RPL36A: variants seen among roughly 807,000 people sequenced by gnomAD.
RPL36A encodes the protein ribosomal protein L36a.
For synonymous variants in RPL36A, 25 were observed against 28.5 expected (o/e 0.88, Z 0.39); for missense variants, 20 against 81.0 (o/e 0.25, Z 2.89).
chrX:101,394,793 T>A (rs782231457), intron 3 of RPL36A, among the ~76,000 whole-genome samples: 12,862 of 78,463 alleles, frequency 0.16, 1,300 homozygotes, highest in African/African-American at 0.44. Context: ...TATATATATT[T>A]TTTTTTTTTT....
At chrX:101,391,285 C>T in intron 1 of RPL36A, 174 bp from the exon 2 acceptor site, 1 of 632,664 alleles carries the variant, frequency 1.6e-6, no homozygotes, top group South Asian at 2.8e-5. Context: ...CTCTTTGGGG[C>T]TCGACGGAGG....
rs782617422 is a variant in RPL36A at position 101,391,879 on chromosome X, T to A, written c.177+57T>A. 9 of 1,196,398 alleles carry A rather than the reference T, an allele frequency of 7.5e-6. No individual in the cohort carries two copies. The African/African-American group carries it at 1.4e-4, about 19-fold the overall frequency. On this transcript the variant is annotated intron_variant, in intron 3 of 4. Transcript: ENST00000553110. The stretch of plus-strand genomic sequence containing the variant: ...GTTAATTGCCGTAAGGATATGCACT[T>A]GTCTCTAGTCCACACACTTCATGAT...
At position 101,396,041 on chromosome X, in the gene RPL36A, TAGGG is replaced by T; in HGVS notation, c.*296_*299del. The T allele has an allele frequency of 6.5e-6, 2 of 306,355 alleles. No individual in the cohort carries two copies. Among genetic ancestry groups the T allele is most frequent in the East Asian group, 5.5e-5 (1 of 18,296 alleles). 25.2% of individuals were successfully genotyped at this position (306,355 alleles called of 1,213,427 possible). A position where few individuals can be genotyped will look rare whatever the true frequency, so the allele number is the denominator to read the frequency against. ...TGTGAGTAGACACATTTCAGGCTAA[TAGGG>T]AGAAGTCAGTAACACATTCATAGTG... On this transcript the variant is annotated 3_prime_UTR_variant, in exon 5 of 5. Coordinates refer to ENST00000553110, the MANE Select transcript of RPL36A (RefSeq NM_021029.6).
At chrX:101,393,729 C>T (rs1248558158) in intron 3 of RPL36A, 6 of 111,570 alleles carry the variant, frequency 5.4e-5, no homozygotes, top group Non-Finnish European at 1.1e-4. Context: ...ACCAGTAGTG[C>T]GGAAATTGTC....
intron 3 of RPL36A, chrX:101,392,253 G>A: frequency 8.9e-6 from 8 of 903,060 alleles, no homozygotes; most frequent in Non-Finnish European, 1.1e-5. Context: ...AACTCTTATA[G>A]AATAGCCATT....
intron 3 of RPL36A, among the ~76,000 whole-genome samples, chrX:101,394,790 AT>A (rs1175645490): frequency 0.16 from 12,360 of 77,984 alleles, 1,236 homozygotes; most frequent in African/African-American, 0.35. Context: ...ATATATATAT[AT>A]TTTTTTTTTT....
rs1190973240 is a variant in RPL36A at position 101,391,028 on chromosome X, T to C, written c.-16T>C. Reference sequence around the variant, plus strand: ...CGCGGTTTCTTTCTTTCCGCGCCGATAGCGCTCACGCAAGCATGGTAGGAC... The same window carrying C: ...CGCGGTTTCTTTCTTTCCGCGCCGACAGCGCTCACGCAAGCATGGTAGGAC... On this transcript the variant is annotated 5_prime_UTR_variant, in exon 1 of 5. Transcript: ENST00000553110. 8.3e-7 allele frequency: 1 copy of C among 1,210,861 alleles called. No homozygotes were observed. The highest frequency in any genetic ancestry group is 2.2e-5 in the Admixed American group (1 of 45,871).
intron 3 of RPL36A, chrX:101,392,596 T>G: frequency 1.3e-6 from 1 of 754,538 alleles, no homozygotes; most frequent in Middle Eastern, 7.6e-4. Context: ...TATTAAGAAC[T>G]GCAAACTAGC....
In RPL36A at chrX:101,391,758, A is replaced by G. The variant is rs782048174; in HGVS notation, c.113A>G (p.Lys38Arg). Residue 38 changes from lysine (K) to arginine (R), a missense_variant, in exon 3 of 5, where the codon AAG becomes AGG. By Grantham distance (26) the Lys-to-Arg change is conservative. Transcript: ENST00000553110. Reference sequence around the variant, plus strand: ...AAATACCAATTCGTTTTCCCAGGAAAGCGGCGTTATGACAGGAAGCAGAGT... The same window carrying G: ...AAATACCAATTCGTTTTCCCAGGAAGGCGGCGTTATGACAGGAAGCAGAGT... ...KGKDSLYAQG[K>R]RRYDRKQSGY... 4 of 1,209,526 alleles carry G rather than the reference A, an allele frequency of 3.3e-6. No homozygotes were observed. The African/African-American group carries it at 5.3e-5, about 16-fold the overall frequency.
intron 3 of RPL36A, 180 bp downstream of exon 3, chrX:101,392,002 A>G (rs186272790): frequency 5.1e-6 from 6 of 1,165,899 alleles, no homozygotes; most frequent in African/African-American, 1.8e-5. Context: ...AGTCCACAAT[A>G]CTGCACTATT....
chrX:101,394,790 A>ATTTTTT (rs1175645490), intron 3 of RPL36A, among the ~76,000 whole-genome samples: 1 of 78,970 alleles, frequency 1.3e-5, no homozygotes, highest in Non-Finnish European at 2.3e-5. Context: ...ATATATATAT[A>ATTTTTT]TTTTTTTTTT....
chrX:101,391,779 A>G lies in RPL36A; in HGVS notation c.134A>G (p.Gln45Arg). 1 of 1,211,696 alleles carries G rather than the reference A, an allele frequency of 8.3e-7. No individual in the cohort carries two copies. The highest frequency in any genetic ancestry group is 1.1e-6 in the Non-Finnish European group (1 of 895,547). Residue 45 changes from glutamine (Q) to arginine (R), a missense_variant, in exon 3 of 5, where the codon CAG becomes CGG. Physicochemically the swap from Gln to Arg is conservative, Grantham distance 43. Transcript: ENST00000553110. ...GGAAAGCGGCGTTATGACAGGAAGC[A>G]GAGTGGCTATGGTGGGCAAACTAAG... ...AQGKRRYDRK[Q>R]SGYGGQTKPI...
rs782273995 is a variant in RPL36A at position 101,391,593 on chromosome X, T to C, written c.109+29T>C. 5.0e-6 allele frequency: 6 copies of C among 1,204,810 alleles called. No homozygotes were observed. The Admixed American group carries it at 1.3e-4, about 26-fold the overall frequency. On this transcript the variant is annotated intron_variant, in intron 2 of 4. Transcript: ENST00000553110. ...AGATGGATTCCGCATAATTTGGTGT[T>C]AATGTGACATTTGTGTTGTAGAATA...
At chrX:101,392,137 T>C (rs1927831269) in intron 3 of RPL36A, 1 of 1,077,737 alleles carries the variant, frequency 9.3e-7, no homozygotes, top group South Asian at 2.0e-5. Context: ...TTGTTCCTTA[T>C]CTGTCAATAT....
chrX:101,395,174 A>T (rs1323883451), intron 3 of RPL36A, 161 bp from the exon 4 acceptor site: 1 of 389,290 alleles, frequency 2.6e-6, no homozygotes, highest in Non-Finnish European at 4.0e-6. Context: ...CTATGGCTTA[A>T]GAGTATACTG....
In RPL36A at chrX:101,391,011, CTT is replaced by C; in HGVS notation, c.-31_-30del. ...TATACTTCCGTTTGCCTCGCGGTTT[CTT>C]TCTTTCCGCGCCGATAGCGCTCACG... is the stretch of plus-strand genomic sequence containing the variant. On this transcript the variant is annotated 5_prime_UTR_variant, in exon 1 of 5. Transcript: ENST00000553110. 1 of 1,212,340 alleles carries C rather than the reference CTT, an allele frequency of 8.2e-7. No homozygotes were observed. Among genetic ancestry groups the C allele is most frequent in the South Asian group, 1.8e-5 (1 of 57,050 alleles).
chrX:101,392,649 T>A (rs923948223), intron 3 of RPL36A: 9 of 751,074 alleles, frequency 1.2e-5, no homozygotes, highest in Admixed American at 8.8e-5. Context: ...ATTAGGAAAT[T>A]GAGTATTTAA....
chrX:101,394,775 A>AT (rs1491516704), intron 3 of RPL36A, among the ~76,000 whole-genome samples: 70 of 81,597 alleles, frequency 8.6e-4, no homozygotes, highest in East Asian at 5.8e-3. Flanking sequence ...TTATATATAT[A>AT]ATATATATAT....
chrX:101,393,074 A>G (rs986235123), intron 3 of RPL36A: 1 of 93,220 alleles, frequency 1.1e-5, no homozygotes, highest in Non-Finnish European at 2.1e-5. Flanking sequence ...AGATCACGCC[A>G]CTGTACTCCA....
Sources: allele counts gnomAD v4.1 joint callset (sites outside exome capture counted in the v4.1 genomes callset), GRCh38; gene constraint gnomAD v4.1.1; transcripts MANE v1.5; gene names NCBI Gene and HGNC (gene_info 2026-07-23, HGNC 2026-07-21).